Variants in PSD3 observed in about 807,000 individuals in gnomAD.
PSD3 encodes PH and SEC7 domain-containing protein 3.
A neutral mutation model predicts 105.5 loss-of-function variants in PSD3; 49 were observed. The observed-to-expected ratio is 0.46, with a 90% CI of 0.37 to 0.59. The LOEUF is 0.59. PSD3 is among the 20% of genes least tolerant of loss of function. The pLI, the probability that PSD3 is intolerant of heterozygous loss-of-function variation, is 0.00. For synonymous variants in PSD3, 557 were observed against 457.8 expected (o/e 1.22, Z -2.77); for missense variants, 1,561 against 1,263.8 (o/e 1.24, Z -3.57).
chr8:18,782,661 G>T (rs1335743032), intron 8 of PSD3, among the ~76,000 whole-genome samples: 1 of 152,206 alleles, frequency 6.6e-6, no homozygotes, highest in Non-Finnish European at 1.5e-5. Context: ...GATTGTCTGT[G>T]TGCTAGCAGT....
At chr8:18,601,145 AT>A (rs1175103342) in intron 11 of PSD3, among the ~76,000 whole-genome samples, 1 of 152,246 alleles carries the variant, frequency 6.6e-6, no homozygotes, top group Non-Finnish European at 1.5e-5. Flanking sequence ...AAAATAATTA[AT>A]TATTTCAGAA....
chr8:18,907,311 A>C (rs1819910283), intron 2 of PSD3, among the ~76,000 whole-genome samples: 1 of 151,996 alleles, frequency 6.6e-6, no homozygotes, highest in African/African-American at 2.4e-5. Flanking sequence ...ATGATGGTAC[A>C]ATTTTTTGTC....
exon 1 of PSD3, chr8:19,084,322 A>C (rs547506288): frequency 4.4e-6 from 2 of 456,104 alleles, no homozygotes; most frequent in East Asian, 1.4e-4. Context: ...GCCTCCTTAC[A>C]GCTCCTGGGG....
chr8:18,625,113 T>C (rs1806383526), intron 11 of PSD3, among the ~76,000 whole-genome samples: 1 of 152,006 alleles, frequency 6.6e-6, no homozygotes. Context: ...CTAAAAATCT[T>C]AGAACCTTGT....
chr8:18,988,562 G>A (rs1825628022), intron 1 of PSD3, among the ~76,000 whole-genome samples: 1 of 151,832 alleles, frequency 6.6e-6, no homozygotes, highest in Non-Finnish European at 1.5e-5. Flanking sequence ...GTTCTACATG[G>A]TTGTAGCTGA....
At chr8:18,572,752 T>C (rs1802221039) in intron 13 of PSD3, 80 bp from the exon 14 acceptor site, 2 of 1,479,188 alleles carry the variant, frequency 1.4e-6, no homozygotes, top group Non-Finnish European at 9.3e-7. Context: ...ACGTTACTGA[T>C]TTGCAATGGC....
chr8:18,887,455 T>A (rs1345740284), intron 2 of PSD3, among the ~76,000 whole-genome samples: 1 of 152,234 alleles, frequency 6.6e-6, no homozygotes. Context: ...AACTTTTATA[T>A]CACTTACAGT....
intron 9 of PSD3, among the ~76,000 whole-genome samples, chr8:18,681,446 C>CAAAAAAAA: frequency 1.6e-5 from 1 of 62,264 alleles, no homozygotes; most frequent in Non-Finnish European, 3.7e-5. Context: ...GTTTCTGTTT[C>CAAAAAAAA]AAAAAAAAAA....
intron 15 of PSD3, among the ~76,000 whole-genome samples, chr8:18,551,426 C>T (rs1800761678): frequency 1.3e-5 from 2 of 152,158 alleles, no homozygotes; most frequent in South Asian, 4.1e-4. Flanking sequence ...TTTTTTTGCA[C>T]ATATATCAAT....
At chr8:19,034,664 G>A (rs1827883949) in intron 1 of PSD3, among the ~76,000 whole-genome samples, 1 of 152,176 alleles carries the variant, frequency 6.6e-6, no homozygotes, top group African/African-American at 2.4e-5. Flanking sequence ...GGCTTAGAGT[G>A]GTTAGGTAGC....
chr8:18,877,225 T>C (rs757084800), intron 2 of PSD3, among the ~76,000 whole-genome samples: 1 of 152,224 alleles, frequency 6.6e-6, no homozygotes, highest in Non-Finnish European at 1.5e-5. Context: ...GTATCATATG[T>C]AGCAAATCAT....
At chr8:18,548,010 T>G (rs963411262) in intron 15 of PSD3, among the ~76,000 whole-genome samples, 1 of 152,238 alleles carries the variant, frequency 6.6e-6, no homozygotes, top group Non-Finnish European at 1.5e-5. Context: ...TTTTCCTTTT[T>G]TCCCCCATCT....
intron 2 of PSD3, among the ~76,000 whole-genome samples, chr8:18,883,786 A>G (rs976998242): frequency 7.9e-5 from 12 of 152,214 alleles, no homozygotes; most frequent in African/African-American, 2.9e-4. Flanking sequence ...GGGTCTTATA[A>G]TCTATTTCCT....
intron 3 of PSD3, among the ~76,000 whole-genome samples, chr8:18,869,430 C>G (rs966847830): frequency 6.6e-6 from 1 of 152,072 alleles, no homozygotes; most frequent in African/African-American, 2.4e-5. Context: ...CTGCCTGCCT[C>G]GGCCTCCCAA....
At chr8:18,912,735 G>C (rs577870116) in intron 2 of PSD3, among the ~76,000 whole-genome samples, 4 of 152,292 alleles carry the variant, frequency 2.6e-5, no homozygotes, top group African/African-American at 9.6e-5. Flanking sequence ...GAAGTTCAGA[G>C]AAAGCAGTGA....
At chr8:19,051,982 A>G (rs1828544495) in intron 1 of PSD3, among the ~76,000 whole-genome samples, 1 of 152,220 alleles carries the variant, frequency 6.6e-6, no homozygotes, top group African/African-American at 2.4e-5. Context: ...ATGTAGAAAT[A>G]AAATTAGATC....
Position 18,894,291 on chromosome 8 carries a change from G to A in PSD3, c.131-21558C>T, listed in dbSNP as rs1484337985. Reference sequence around the variant, plus strand: ...GGCAAACAAGATGCTTACTTCACGGGTTTTTGTAAGATTAAAATGACAGAA... The same window carrying A: ...GGCAAACAAGATGCTTACTTCACGGATTTTTGTAAGATTAAAATGACAGAA... On this transcript the variant is annotated intron_variant, in intron 2 of 15. Transcript: ENST00000327040. 5.9e-5 allele frequency among the ~76,000 whole-genome samples: 9 copies of A among 152,158 alleles called. No homozygotes were observed. In the East Asian group the frequency reaches 1.2e-3, roughly 20 times the overall value.
At chr8:18,946,458 A>G (rs1382072470) in intron 1 of PSD3, among the ~76,000 whole-genome samples, 1 of 152,104 alleles carries the variant, frequency 6.6e-6, no homozygotes, top group Non-Finnish European at 1.5e-5. Context: ...TCATGCACCC[A>G]TAGTCCCTAC....
At chr8:18,979,976 C>G (rs1028243744) in intron 1 of PSD3, among the ~76,000 whole-genome samples, 4 of 152,162 alleles carry the variant, frequency 2.6e-5, no homozygotes, top group African/African-American at 9.7e-5. Flanking sequence ...ATAAGAATCA[C>G]TCATTATACA....
Sources: gnomAD v4.1 joint callset for allele counts (sites outside exome capture counted in the v4.1 genomes callset) on GRCh38, gnomAD v4.1.1 for gene constraint, MANE v1.5 for transcripts, NCBI Gene and HGNC (gene_info 2026-07-23, HGNC 2026-07-21) for gene names.